Variants in NFIB observed in about 807,000 individuals in gnomAD.
NFIB encodes nuclear factor 1 B-type.
A neutral mutation model predicts 61.5 loss-of-function variants in NFIB; 11 were observed. The ratio of observed to expected loss-of-function variants is 0.18; its 90% CI spans 0.11 to 0.30. NFIB has a LOEUF of 0.30. Ranked by LOEUF, NFIB falls within the 10% of genes least tolerant of loss-of-function variation. The probability of loss-of-function intolerance (pLI) is 1.00; values close to 1 mark genes in which losing one functional copy is unlikely to be tolerated. For synonymous variants in NFIB, 260 were observed against 216.5 expected (o/e 1.20, Z -1.76); for missense variants, 471 against 608.9 (o/e 0.77, Z 2.38).
At chr9:14,113,407 C>T (rs923861411) in intron 9 of NFIB, among the ~76,000 whole-genome samples, 7 of 152,124 alleles carry the variant, frequency 4.6e-5, no homozygotes, top group Middle Eastern at 3.2e-3. Context: ...TGTTCCTAGA[C>T]GTACTTTTTC....
chr9:14,211,669 T>G (rs980267177), intron 2 of NFIB, among the ~76,000 whole-genome samples: 1 of 152,200 alleles, frequency 6.6e-6, no homozygotes. Context: ...AGTTTACCCG[T>G]TTATATCAGA....
At chr9:14,121,830 A>G (rs889334577) in intron 7 of NFIB, among the ~76,000 whole-genome samples, 2 of 152,198 alleles carry the variant, frequency 1.3e-5, no homozygotes, top group African/African-American at 4.8e-5. Flanking sequence ...CAATTTTACT[A>G]TAACTTCTCA....
intron 1 of NFIB, among the ~76,000 whole-genome samples, chr9:14,388,834 C>G (rs1045436733): frequency 1.3e-5 from 2 of 152,244 alleles, no homozygotes; most frequent in African/African-American, 4.8e-5. Flanking sequence ...TTTTAAAATA[C>G]ATTTTCACTA....
At chr9:14,088,622 T>C (rs2033268988) in intron 10 of NFIB, among the ~76,000 whole-genome samples, 1 of 152,152 alleles carries the variant, frequency 6.6e-6, no homozygotes, top group Non-Finnish European at 1.5e-5. Context: ...TAAAATATTT[T>C]ACATTAATCA....
intron 2 of NFIB, among the ~76,000 whole-genome samples, chr9:14,290,549 G>A (rs1420943134): frequency 6.6e-6 from 1 of 151,998 alleles, no homozygotes; most frequent in Non-Finnish European, 1.5e-5. Context: ...CAACTACATA[G>A]TGAATAGTAT....
chr9:14,513,237 G>C, the NFIB span, among the ~76,000 whole-genome samples: 1 of 151,914 alleles, frequency 6.6e-6, no homozygotes, highest in Non-Finnish European at 1.5e-5. Context: ...ATTAATTTCT[G>C]CTTTTTATAA....
At chr9:14,284,661 C>G (rs2058595130) in intron 2 of NFIB, among the ~76,000 whole-genome samples, 1 of 152,036 alleles carries the variant, frequency 6.6e-6, no homozygotes, top group African/African-American at 2.4e-5. Flanking sequence ...CAGAAAGAGC[C>G]CAGAGTCCAT....
chr9:14,498,598 A>G, the NFIB span, among the ~76,000 whole-genome samples: 1 of 152,344 alleles, frequency 6.6e-6, no homozygotes, highest in African/African-American at 2.4e-5. Flanking sequence ...TCATTGGTGT[A>G]CAGAGGAGCC....
upstream of NFIB, among the ~76,000 whole-genome samples, chr9:14,399,180 A>G (rs1424905395): frequency 6.6e-6 from 1 of 152,238 alleles, no homozygotes. Flanking sequence ...GTTGGAATTA[A>G]TTTTACCTTT....
intron 2 of NFIB, among the ~76,000 whole-genome samples, chr9:14,218,786 G>A (rs969223319): frequency 6.6e-6 from 1 of 152,160 alleles, no homozygotes; most frequent in African/African-American, 2.4e-5. Flanking sequence ...TGGATGCCTA[G>A]ATTTCTATTA....
chr9:14,318,770 G>T (rs2060598612), upstream of NFIB, among the ~76,000 whole-genome samples: 1 of 151,708 alleles, frequency 6.6e-6, no homozygotes, highest in South Asian at 2.1e-4. Flanking sequence ...CCACAAGGAG[G>T]AACACCAAAA....
chr9:14,407,628 A>T, the NFIB span, among the ~76,000 whole-genome samples: 1 of 152,198 alleles, frequency 6.6e-6, no homozygotes, highest in African/African-American at 2.4e-5. Context: ...AGTGTGGAAT[A>T]AACATTTCCA....
At chr9:14,183,517 C>T (rs1056032309) in intron 2 of NFIB, among the ~76,000 whole-genome samples, 1 of 151,870 alleles carries the variant, frequency 6.6e-6, no homozygotes, top group Admixed American at 6.6e-5. Flanking sequence ...CATTCTTGTG[C>T]TTCAGCCTCC....
rs1052982439 is a variant in NFIB at position 14,092,065 on chromosome 9, G to C, written c.1468-3739C>G. 3.3e-5 allele frequency among the ~76,000 whole-genome samples: 5 copies of C among 152,108 alleles called. No individual in the cohort carries two copies. The South Asian group carries it at 8.3e-4, about 25-fold the overall frequency. On this transcript the variant is annotated intron_variant, in intron 10 of 10. Transcript: ENST00000380953. ...AGCTTAAGATGCATTACTGGTGATG[G>C]TCCTGCTTCATTTTGTTATTGGTAA...
At chr9:14,501,910 A>C in the NFIB span, among the ~76,000 whole-genome samples, 6 of 152,246 alleles carry the variant, frequency 3.9e-5, no homozygotes, top group African/African-American at 1.4e-4. Context: ...ATTACAGAAC[A>C]GGCAGGGCCC....
chr9:14,234,462 C>T (rs1398690776), intron 2 of NFIB, among the ~76,000 whole-genome samples: 5 of 151,660 alleles, frequency 3.3e-5, no homozygotes, highest in East Asian at 3.9e-4. Context: ...CTCCACCTTC[C>T]GCGTTCAAGC....
At chr9:14,112,197 A>G (rs1486317528) in intron 10 of NFIB, among the ~76,000 whole-genome samples, 1 of 152,218 alleles carries the variant, frequency 6.6e-6, no homozygotes, top group African/African-American at 2.4e-5. Flanking sequence ...TGAGAGCAGC[A>G]AACATATGCA....
At chr9:14,427,948 T>TTGTTTTTTG in the NFIB span, among the ~76,000 whole-genome samples, 19 of 104,034 alleles carry the variant, frequency 1.8e-4, no homozygotes, top group African/African-American at 6.7e-4. Flanking sequence ...TTTTTTTTTT[T>TTGTTTTTTG]TTTTTTTTTT....
chr9:14,408,494 G>A, the NFIB span, among the ~76,000 whole-genome samples: 1 of 152,158 alleles, frequency 6.6e-6, no homozygotes, highest in Non-Finnish European at 1.5e-5. Context: ...CACAATGGAG[G>A]CGGGAATACA....
Sources: allele counts gnomAD v4.1 joint callset (sites outside exome capture counted in the v4.1 genomes callset), GRCh38; gene constraint gnomAD v4.1.1; transcripts MANE v1.5; gene names NCBI Gene and HGNC (gene_info 2026-07-23, HGNC 2026-07-21).